The following SSBP2 variants were observed in gnomAD, a reference collection of about 807,000 sequenced individuals.
The protein encoded by SSBP2 is single stranded DNA binding protein 2.
Under a neutral mutation model 61.8 loss-of-function variants are expected in SSBP2, and 17 were observed. That is an observed-to-expected ratio of 0.28 (90% CI 0.19 to 0.41). The LOEUF (loss-of-function observed/expected upper bound fraction) is 0.41, where lower values mean the gene tolerates loss of function less well. SSBP2 is among the 10% of genes least tolerant of loss of function. The pLI is 1.00. For missense variants in SSBP2, 310 were observed against 458.7 expected (o/e 0.68, Z 2.96); for synonymous variants, 139 against 141.3 (o/e 0.98, Z 0.12).
rs768182667 is a variant in SSBP2, at chr5:81,442,694, T to C, written c.808A>G (p.Thr270Ala). 1.9e-6 allele frequency: 3 copies of C among 1,579,214 alleles called. No individual in the cohort carries two copies. The South Asian group carries it at 3.5e-5, about 18-fold the overall frequency. ...CCAGGAGGTACTGCATTCATTAAAG[T>C]ATACATGTTATCACCAGAGTTGGTT... Residue 270 changes from threonine (T) to alanine (A), a missense_variant, in exon 13 of 17, where the codon ACT becomes GCT. Coordinates refer to ENST00000320672, the MANE Select transcript of SSBP2 (RefSeq NM_012446.5).
At chr5:81,656,054 A>T (rs1364192012) in intron 1 of SSBP2, among the ~76,000 whole-genome samples, 1 of 151,818 alleles carries the variant, frequency 6.6e-6, no homozygotes, top group Admixed American at 6.6e-5. Flanking sequence ...AAGATATATA[A>T]TTTTTTTTAT....
At chr5:81,600,704 A>G (rs2973338) in intron 4 of SSBP2, among the ~76,000 whole-genome samples, 110,176 of 151,708 alleles carry the variant, frequency 0.73, 41,398 homozygotes, top group East Asian at 0.93. Context: ...AATGAAAAAA[A>G]GGAAGGAGAA....
chr5:81,469,309 A>G (rs1251094036), intron 8 of SSBP2, among the ~76,000 whole-genome samples: 1 of 151,940 alleles, frequency 6.6e-6, no homozygotes, highest in East Asian at 1.9e-4. Context: ...TGAAATATAA[A>G]GCACCTATCA....
chr5:81,717,172 G>C (rs945522618), intron 1 of SSBP2, among the ~76,000 whole-genome samples: 2 of 152,032 alleles, frequency 1.3e-5, no homozygotes, highest in African/African-American at 4.8e-5. Context: ...CTTGTTACCA[G>C]GGCCGTTTGT....
intron 1 of SSBP2, among the ~76,000 whole-genome samples, chr5:81,700,206 C>T (rs1753883607): frequency 6.6e-6 from 1 of 152,140 alleles, no homozygotes; most frequent in Admixed American, 6.5e-5. Flanking sequence ...CCATAGGTTA[C>T]AGAATGGATG....
intron 4 of SSBP2, among the ~76,000 whole-genome samples, chr5:81,531,612 C>T (rs1023295996): frequency 2.6e-5 from 4 of 151,934 alleles, no homozygotes; most frequent in Non-Finnish European, 5.9e-5. Flanking sequence ...AGCTAGATTA[C>T]AATATATGAA....
At chr5:81,444,025 T>C (rs867154543) in intron 12 of SSBP2, among the ~76,000 whole-genome samples, 10 of 152,232 alleles carry the variant, frequency 6.6e-5, no homozygotes, top group African/African-American at 9.6e-5. Context: ...ATTATTTTAG[T>C]GTGTATTACT....
chr5:81,510,893 A>T lies in SSBP2; in HGVS notation c.372+2735T>A, dbSNP rs557708064. Among the ~76,000 whole-genome samples the T allele has an allele frequency of 2.3e-4, 35 of 152,240 alleles. 1 individual carries two copies. Among genetic ancestry groups the T allele is most frequent in the Admixed American group, 1.9e-3 (29 of 15,298 alleles). Reference sequence around the variant, plus strand: ...TTTTTCTAAAAATGCAAATATGAACATGTCTGTCTCCTGCTTAAAATCCTC... The same window carrying T: ...TTTTTCTAAAAATGCAAATATGAACTTGTCTGTCTCCTGCTTAAAATCCTC... On this transcript the variant is annotated intron_variant, in intron 5 of 16. Coordinates refer to ENST00000320672, the MANE Select transcript of SSBP2 (RefSeq NM_012446.5).
chr5:81,692,508 C>G (rs1222885444), intron 1 of SSBP2, among the ~76,000 whole-genome samples: 3 of 152,030 alleles, frequency 2.0e-5, no homozygotes, highest in Non-Finnish European at 4.4e-5. Flanking sequence ...GAGAACATTC[C>G]TAATATTTAT....
chr5:81,535,844 T>C (rs2154111691), intron 4 of SSBP2, among the ~76,000 whole-genome samples: 1 of 152,078 alleles, frequency 6.6e-6, no homozygotes, highest in Middle Eastern at 3.4e-3. Context: ...CAAGATGACC[T>C]TTAAGATACA....
At chr5:81,501,715 A>T (rs1002586796) in intron 5 of SSBP2, among the ~76,000 whole-genome samples, 1 of 150,562 alleles carries the variant, frequency 6.6e-6, no homozygotes, top group Non-Finnish European at 1.5e-5. Flanking sequence ...GGCGCCCACC[A>T]CCACGCCCGG....
rs538359747 is a variant in SSBP2, at chr5:81,488,785, T to C, written c.432+465A>G. On this transcript the variant is annotated intron_variant, in intron 6 of 16. Coordinates refer to ENST00000320672, the MANE Select transcript of SSBP2 (RefSeq NM_012446.5). ...GTTCTCACTGTTCAATTTTCACCTA[T>C]GAGTGAGAACATGTGGTGTTAGGTT... Among the ~76,000 whole-genome samples, 16 of 147,682 alleles carry C rather than the reference T, an allele frequency of 1.1e-4. No individual in the cohort carries two copies. The South Asian group carries it at 3.3e-3, about 30-fold the overall frequency.
chr5:81,458,195 CAAGT>C (rs779161246), intron 10 of SSBP2, among the ~76,000 whole-genome samples: 28 of 152,144 alleles, frequency 1.8e-4, no homozygotes, highest in Admixed American at 2.0e-4. Flanking sequence ...GTGAATGTAA[CAAGT>C]AAATTGGGAT....
At chr5:81,678,209 A>C (rs1043267966) in intron 1 of SSBP2, among the ~76,000 whole-genome samples, 8 of 152,222 alleles carry the variant, frequency 5.3e-5, no homozygotes, top group African/African-American at 1.9e-4. Flanking sequence ...GAGAGATGGA[A>C]ATTCTAAGAA....
chr5:81,663,598 CAG>C (rs751134683), intron 1 of SSBP2, among the ~76,000 whole-genome samples: 31 of 152,270 alleles, frequency 2.0e-4, no homozygotes, highest in Non-Finnish European at 4.3e-4. Flanking sequence ...CTGAAGTACA[CAG>C]AGTTATGAAC....
At chr5:81,470,338 G>A (rs73132098) in intron 8 of SSBP2, among the ~76,000 whole-genome samples, 18,682 of 151,502 alleles carry the variant, frequency 0.12, 2,599 homozygotes, top group African/African-American at 0.34. Flanking sequence ...GATTAAATAG[G>A]TAGTTTTGTT....
rs992505469 is a variant in SSBP2, at chr5:81,527,603, G to A, written c.283-13886C>T. On this transcript the variant is annotated intron_variant, in intron 4 of 16. Transcript: ENST00000320672. The stretch of plus-strand genomic sequence containing the variant: ...TATTTACTAATAACTATTTTTAGAA[G>A]GTATTTCCAGAAAGGAAATTTCACA... 6.1e-4 allele frequency among the ~76,000 whole-genome samples: 92 copies of A among 151,996 alleles called. 1 individual carries two copies. Among genetic ancestry groups the A allele is most frequent in the African/African-American group, 2.2e-3 (90 of 41,502 alleles).
chr5:81,524,738 G>C (rs1334619297), intron 4 of SSBP2, among the ~76,000 whole-genome samples: 1 of 151,984 alleles, frequency 6.6e-6, no homozygotes, highest in African/African-American at 2.4e-5. Context: ...TAGTGGCTTT[G>C]AATTGTGCCT....
At chr5:81,485,046 T>C (rs934906917) in intron 6 of SSBP2, among the ~76,000 whole-genome samples, 2 of 152,156 alleles carry the variant, frequency 1.3e-5, no homozygotes, top group East Asian at 3.9e-4. Context: ...CTGTCTTGAT[T>C]TCCTCAAGAT....
Sources: gnomAD v4.1 joint callset for allele counts (sites outside exome capture counted in the v4.1 genomes callset) on GRCh38, gnomAD v4.1.1 for gene constraint, MANE v1.5 for transcripts, NCBI Gene and HGNC (gene_info 2026-07-23, HGNC 2026-07-21) for gene names.